The following ATP9A variants were observed in gnomAD, a reference collection of about 807,000 sequenced individuals.
The protein encoded by ATP9A is probable phospholipid-transporting ATPase IIA.
A neutral mutation model predicts 144.1 loss-of-function variants in ATP9A; 52 were observed. That is an observed-to-expected ratio of 0.36 (90% CI 0.29 to 0.45). ATP9A has a LOEUF of 0.45. Among genes scored for constraint, ATP9A ranks in the 20% least tolerant of loss-of-function variants. The probability of loss-of-function intolerance (pLI) is 1.00; values close to 1 mark genes in which losing one functional copy is unlikely to be tolerated. For synonymous variants in ATP9A, 582 were observed against 557.4 expected (o/e 1.04, Z -0.62); for missense variants, 947 against 1,392.7 (o/e 0.68, Z 5.09).
At chr20:51,650,364 T>C (rs1277495249) in intron 14 of ATP9A, among the ~76,000 whole-genome samples, 1 of 151,906 alleles carries the variant, frequency 6.6e-6, no homozygotes, top group East Asian at 1.9e-4. Flanking sequence ...TGAAACCCCG[T>C]CTCTACTAAA....
chr20:51,600,815 C>A lies in ATP9A; in HGVS notation c.*396G>T, dbSNP rs2077139502. ...CATTAGGACTCTTTAAAAACACACA[C>A]ACACACACACACACACACACACACA... is the stretch of plus-strand genomic sequence containing the variant. On this transcript the variant is annotated 3_prime_UTR_variant, in exon 28 of 28. Transcript: ENST00000338821. The A allele has an allele frequency of 6.7e-6, 1 of 148,708 alleles. No homozygotes were observed. The highest frequency in any genetic ancestry group is 2.5e-5 in the African/African-American group (1 of 39,994). 9.2% of individuals were successfully genotyped at this position (148,708 alleles called of 1,614,324 possible). A position where few individuals can be genotyped will look rare whatever the true frequency, so the allele number is the denominator to read the frequency against.
At chr20:51,643,400 C>A (rs768774917) in intron 14 of ATP9A, among the ~76,000 whole-genome samples, 19 of 152,238 alleles carry the variant, frequency 1.2e-4, no homozygotes, top group Non-Finnish European at 2.4e-4. Flanking sequence ...ATGTTTATGT[C>A]CCCTAAAATT....
chr20:51,689,832 C>A (rs921453045), intron 8 of ATP9A, among the ~76,000 whole-genome samples: 58 of 151,780 alleles, frequency 3.8e-4, no homozygotes, highest in Non-Finnish European at 8.2e-4. Context: ...AGGACAAAGT[C>A]AGGTGTGGTG....
chr20:51,690,203 A>C (rs371761825), intron 8 of ATP9A, among the ~76,000 whole-genome samples: 4 of 151,268 alleles, frequency 2.6e-5, no homozygotes, highest in Non-Finnish European at 5.9e-5. Context: ...GGCGGATCAC[A>C]AGGTCAGGGG....
At chr20:51,617,770 C>A (rs768249217) in intron 21 of ATP9A, among the ~76,000 whole-genome samples, 3 of 152,150 alleles carry the variant, frequency 2.0e-5, no homozygotes, top group Non-Finnish European at 2.9e-5. Context: ...TGCCAAGGGT[C>A]CCGGCACTGA....
chr20:51,674,026 G>A, intron 11 of ATP9A, 127 bp downstream of exon 11: 1 of 1,207,528 alleles, frequency 8.3e-7, no homozygotes, highest in Non-Finnish European at 1.1e-6. Flanking sequence ...CTCCAGCCTG[G>A]GCAACAAGAG....
At chr20:51,692,875 T>C (rs1000899119) in intron 7 of ATP9A, among the ~76,000 whole-genome samples, 8 of 152,212 alleles carry the variant, frequency 5.3e-5, no homozygotes, top group Non-Finnish European at 1.2e-4. Flanking sequence ...TCACTTTTTA[T>C]TATCCATGAA....
chr20:51,682,577 C>CTTTTTTTT (rs60505207), intron 9 of ATP9A, among the ~76,000 whole-genome samples: 1,098 of 35,064 alleles, frequency 0.031, 293 homozygotes, highest in Non-Finnish European at 0.045. Context: ...TTCACTGTAT[C>CTTTTTTTT]TTTTTTTTTT....
At chr20:51,663,291 C>T (rs1174049563) in intron 13 of ATP9A, among the ~76,000 whole-genome samples, 1 of 152,138 alleles carries the variant, frequency 6.6e-6, no homozygotes. Context: ...AAAGGCAGAG[C>T]ATTTGGCGTT....
intron 22 of ATP9A, 83 bp downstream of exon 22, chr20:51,617,407 A>C: frequency 1.4e-6 from 2 of 1,385,890 alleles, no homozygotes; most frequent in South Asian, 1.2e-5. Context: ...TGGAATTTCC[A>C]GAAGGCTTAA....
intron 15 of ATP9A, among the ~76,000 whole-genome samples, chr20:51,636,618 A>C (rs941929222): frequency 1.3e-5 from 2 of 152,160 alleles, no homozygotes; most frequent in Admixed American, 1.3e-4. Context: ...CAGCCCCACT[A>C]ATTCCAGCTG....
intron 13 of ATP9A, among the ~76,000 whole-genome samples, chr20:51,658,245 A>T (rs1228709436): frequency 6.6e-6 from 1 of 152,104 alleles, no homozygotes; most frequent in Non-Finnish European, 1.5e-5. Context: ...GGATCACTTG[A>T]GGTCAGGAGT....
intron 23 of ATP9A, among the ~76,000 whole-genome samples, chr20:51,612,602 T>C (rs745950875): frequency 5.3e-5 from 8 of 152,092 alleles, no homozygotes; most frequent in Non-Finnish European, 1.0e-4. Context: ...TTTTTGTATT[T>C]TTAGTAGAGA....
chr20:51,680,961 A>G (rs779222089), intron 9 of ATP9A, among the ~76,000 whole-genome samples: 2 of 152,042 alleles, frequency 1.3e-5, no homozygotes, highest in African/African-American at 2.4e-5. Flanking sequence ...CCCTCCCCCC[A>G]AAATAACCGA....
rs539621196 is a variant in ATP9A at position 51,611,813 on chromosome 20, G to C, written c.2572-1648C>G. On this transcript the variant is annotated intron_variant, in intron 23 of 27. Coordinates refer to ENST00000338821, the MANE Select transcript of ATP9A (RefSeq NM_006045.3). The surrounding 1 kb of genome is among the most constrained non-coding windows in gnomAD (Gnocchi z 4.2). ...AGATGTGGTCTGGTGAACCACAGCA[G>C]CTGTTTGGGTTTAGATCATTTTGAT... is the stretch of plus-strand genomic sequence containing the variant. 6.6e-6 allele frequency among the ~76,000 whole-genome samples: 1 copy of C among 152,310 alleles called. No homozygotes were observed. The highest frequency in any genetic ancestry group is 2.1e-4 in the South Asian group (1 of 4,830).
At position 51,597,039 on chromosome 20, in the gene ATP9A, T is replaced by TTA. The variant is rs1342764428; in HGVS notation, c.*4170_*4171dup. ...GGAAATCACAGACTCTTACATGAGTTTACAGTTAACCCCACTGCAACAAAA... is the reference window on the plus strand; with the variant it reads ...GGAAATCACAGACTCTTACATGAGTTTATACAGTTAACCCCACTGCAACAAAA... On this transcript the variant is annotated 3_prime_UTR_variant, in exon 28 of 28. Transcript: ENST00000338821. The TTA allele has an allele frequency of 4.6e-5, 7 of 152,184 alleles. No homozygotes were observed. The highest frequency in any genetic ancestry group is 1.7e-4 in the African/African-American group (7 of 41,430). 9.4% of individuals were successfully genotyped at this position (152,184 alleles called of 1,614,324 possible). A position where few individuals can be genotyped will look rare whatever the true frequency, so the allele number is the denominator to read the frequency against.
chr20:51,616,161 C>T (rs1420281346), intron 22 of ATP9A, among the ~76,000 whole-genome samples: 2 of 152,064 alleles, frequency 1.3e-5, no homozygotes, highest in Non-Finnish European at 2.9e-5. Context: ...TTTAAATCAT[C>T]GTCATCTTGC....
At chr20:51,738,780 C>T (rs986665064) in intron 1 of ATP9A, among the ~76,000 whole-genome samples, 19 of 151,896 alleles carry the variant, frequency 1.3e-4, no homozygotes, top group African/African-American at 4.6e-4. Context: ...TAAGCTTTCT[C>T]AGTAGAGAAT....
chr20:51,633,347 A>C (rs6067855), intron 15 of ATP9A, among the ~76,000 whole-genome samples: 48,659 of 152,042 alleles, frequency 0.32, 7,981 homozygotes, highest in Non-Finnish European at 0.34. Flanking sequence ...GAGTTCAGTG[A>C]TAATTTTACA....
Sources: gnomAD v4.1 joint callset for allele counts (sites outside exome capture counted in the v4.1 genomes callset) on GRCh38, gnomAD v4.1.1 for gene constraint, Gnocchi (gnomAD v3.1) non-coding constraint, MANE v1.5 for transcripts, NCBI Gene and HGNC (gene_info 2026-07-23, HGNC 2026-07-21) for gene names.